NOS1AP: variants seen among roughly 807,000 people sequenced by gnomAD.
NOS1AP encodes the protein nitric oxide synthase 1 adaptor protein, also known as carboxyl-terminal PDZ ligand of neuronal nitric oxide synthase protein.
NOS1AP carries 21 observed loss-of-function variants against 56.2 expected under a neutral mutation model. The observed-to-expected ratio is 0.37, with a 90% CI of 0.26 to 0.54. NOS1AP has a LOEUF of 0.54. NOS1AP is among the 20% of genes least tolerant of loss of function. The pLI is 0.84. For missense variants in NOS1AP, 522 were observed against 657.8 expected (o/e 0.79, Z 2.26); for synonymous variants, 270 against 274.6 (o/e 0.98, Z 0.17).
chr1:162,325,235 G>A (rs1451008456), intron 4 of NOS1AP, among the ~76,000 whole-genome samples: 1 of 152,136 alleles, frequency 6.6e-6, no homozygotes, highest in East Asian at 1.9e-4. Flanking sequence ...GCAGTCATAA[G>A]AGAGAACAGT....
At chr1:162,197,786 G>C (rs1310894364) in intron 2 of NOS1AP, among the ~76,000 whole-genome samples, 7 of 152,342 alleles carry the variant, frequency 4.6e-5, no homozygotes, top group Admixed American at 4.6e-4. Context: ...TCCTGAGTGA[G>C]GAAGCAGAGA....
At chr1:162,329,041 T>C in intron 4 of NOS1AP, among the ~76,000 whole-genome samples, 1 of 152,258 alleles carries the variant, frequency 6.6e-6, no homozygotes, top group African/African-American at 2.4e-5. Flanking sequence ...TAAAATCACG[T>C]TGTCAACCTA....
At position 162,070,117 on chromosome 1, in the gene NOS1AP, G is replaced by A. The variant is rs550624214; in HGVS notation, c.-61G>A. 1.1e-5 allele frequency: 15 copies of A among 1,373,022 alleles called. No individual in the cohort carries two copies. Among genetic ancestry groups the A allele is most frequent in the Admixed American group, 1.0e-4 (6 of 59,142 alleles). The allele number at this position is 1,373,022 out of a possible 1,614,324, so 85.1% of individuals were successfully genotyped here. ...CCAGCTCCAGTCTCCCCTCCCCGGG[G>A]TCTCGCCAGCCCCTTCCTGCAGCCG... On this transcript the variant is annotated 5_prime_UTR_variant, in exon 1 of 10. Transcript: ENST00000361897.
chr1:162,154,447 G>A lies in NOS1AP; in HGVS notation c.148G>A (p.Glu50Lys). 1 of 1,614,070 alleles carries A rather than the reference G, an allele frequency of 6.2e-7. No individual in the cohort carries two copies. Among genetic ancestry groups the A allele is most frequent in the Non-Finnish European group, 8.5e-7 (1 of 1,179,976 alleles). ...LDVPRPNSRV[E>K]IVAAMRRIRY... ...CGTGCCAAGGCCCAACAGCAGGGTG[G>A]AGATCGTGGCTGCCATGCGCCGGAT... Residue 50 changes from glutamate to lysine, a missense_variant, in exon 2 of 10, where the codon GAG becomes AAG. This residue lies in a region of NOS1AP where 132 missense variants were observed against 218.1 expected (regional missense o/e 0.61). Coordinates refer to ENST00000361897, the MANE Select transcript of NOS1AP (RefSeq NM_014697.3).
chr1:162,314,812 C>T (rs1656179528), intron 4 of NOS1AP, among the ~76,000 whole-genome samples: 1 of 152,152 alleles, frequency 6.6e-6, no homozygotes, highest in Admixed American at 6.5e-5. Context: ...GGTAAGACTC[C>T]TATTTTGCCA....
chr1:162,297,073 A>G (rs1216589139), intron 3 of NOS1AP, among the ~76,000 whole-genome samples: 4 of 152,192 alleles, frequency 2.6e-5, no homozygotes, highest in African/African-American at 9.7e-5. Flanking sequence ...CCAACCCCAG[A>G]CAGTCATGGG....
intron 4 of NOS1AP, among the ~76,000 whole-genome samples, chr1:162,311,704 G>A (rs1316156679): frequency 1.4e-5 from 2 of 147,856 alleles, no homozygotes; most frequent in African/African-American, 5.0e-5. Flanking sequence ...CTAGCATTAG[G>A]TATATCTCCC....
At chr1:162,207,305 C>T (rs1320897686) in intron 2 of NOS1AP, among the ~76,000 whole-genome samples, 6 of 152,208 alleles carry the variant, frequency 3.9e-5, no homozygotes, top group Admixed American at 3.9e-4. Context: ...TGTAAAATCA[C>T]CGTCTACCCA....
chr1:162,122,533 G>A (rs1232067240), intron 1 of NOS1AP, among the ~76,000 whole-genome samples: 6 of 144,740 alleles, frequency 4.1e-5, no homozygotes, highest in South Asian at 2.2e-4. Flanking sequence ...TTTGAGACAA[G>A]GTCTGGCTCT....
intron 1 of NOS1AP, among the ~76,000 whole-genome samples, chr1:162,114,175 T>C (rs1221077535): frequency 6.6e-6 from 1 of 152,114 alleles, no homozygotes; most frequent in Non-Finnish European, 1.5e-5. Context: ...GAGGCCATAT[T>C]ATTTTCCAGC....
intron 4 of NOS1AP, among the ~76,000 whole-genome samples, chr1:162,305,660 G>C (rs980885159): frequency 1.3e-5 from 2 of 152,016 alleles, no homozygotes; most frequent in Non-Finnish European, 2.9e-5. Flanking sequence ...GCGTTTAATA[G>C]AATATCCCAG....
chr1:162,193,061 G>A (rs1308089455), intron 2 of NOS1AP, among the ~76,000 whole-genome samples: 1 of 152,156 alleles, frequency 6.6e-6, no homozygotes, highest in Non-Finnish European at 1.5e-5. Flanking sequence ...GTGTGCTTTT[G>A]CGAACACTCA....
At chr1:162,277,214 C>A (rs1488484240) in intron 2 of NOS1AP, among the ~76,000 whole-genome samples, 1 of 152,210 alleles carries the variant, frequency 6.6e-6, no homozygotes, top group Non-Finnish European at 1.5e-5. Flanking sequence ...TAAGTGGAAT[C>A]TTCTGGGTGT....
At chr1:162,263,335 G>A (rs957167339) in intron 2 of NOS1AP, among the ~76,000 whole-genome samples, 1 of 152,196 alleles carries the variant, frequency 6.6e-6, no homozygotes, top group African/African-American at 2.4e-5. Context: ...CATACATGGA[G>A]GAAGATGGAA....
chr1:162,129,259 C>T (rs756970527), intron 1 of NOS1AP, among the ~76,000 whole-genome samples: 23 of 152,078 alleles, frequency 1.5e-4, no homozygotes, highest in Non-Finnish European at 2.8e-4. Context: ...GGCCTGAGGT[C>T]GCACATGCCT....
chr1:162,116,579 A>T (rs1447405836), intron 1 of NOS1AP, among the ~76,000 whole-genome samples: 2 of 152,170 alleles, frequency 1.3e-5, no homozygotes, highest in Non-Finnish European at 2.9e-5. Context: ...ATAGATTCGT[A>T]GTATGTTACC....
chr1:162,334,190 T>C (rs1656865612), intron 5 of NOS1AP, among the ~76,000 whole-genome samples: 1 of 152,204 alleles, frequency 6.6e-6, no homozygotes, highest in African/African-American at 2.4e-5. Flanking sequence ...CAAAGAGAAT[T>C]ATGCTTTGTT....
chr1:162,287,165 C>T (rs914095587), intron 2 of NOS1AP, among the ~76,000 whole-genome samples, 179 bp from the exon 3 acceptor site: 1 of 152,084 alleles, frequency 6.6e-6, no homozygotes, highest in Admixed American at 6.5e-5. Flanking sequence ...CCGTTTCTAA[C>T]CCAGAGATTG....
Position 162,281,517 on chromosome 1 carries a change from A to G in NOS1AP, c.178-5827A>G, listed in dbSNP as rs139045519. Among the ~76,000 whole-genome samples, 125 of 152,218 alleles carry G rather than the reference A, an allele frequency of 8.2e-4. 1 individual carries two copies. In the East Asian group the frequency reaches 0.02, roughly 24 times the overall value. On this transcript the variant is annotated intron_variant, in intron 2 of 9. Transcript: ENST00000361897. Reference sequence around the variant, plus strand: ...GGCTTGCATATTGCTGTAGTAACCAACTCTGTGGGAGGATATGGGAAGCGG... The same window carrying G: ...GGCTTGCATATTGCTGTAGTAACCAGCTCTGTGGGAGGATATGGGAAGCGG...
Sources: allele counts gnomAD v4.1 joint callset (sites outside exome capture counted in the v4.1 genomes callset), GRCh38; gene constraint gnomAD v4.1.1; regional missense constraint gnomAD v4.1.1; transcripts MANE v1.5; gene names NCBI Gene and HGNC (gene_info 2026-07-23, HGNC 2026-07-21).